The following KCNU1 variants were observed in gnomAD, a reference collection of about 807,000 sequenced individuals.
The protein encoded by KCNU1 is potassium calcium-activated channel subfamily U member 1, also known as potassium channel subfamily U member 1.
KCNU1 carries 93 observed loss-of-function variants against 126.8 expected under a neutral mutation model. The ratio of observed to expected loss-of-function variants is 0.73; its 90% confidence interval spans 0.62 to 0.87. The LOEUF is 0.87. Among genes scored for constraint, KCNU1 ranks in the 40% least tolerant of loss-of-function variants. KCNU1 has a pLI of 0.00. For missense variants in KCNU1, 1,330 were observed against 1,367.1 expected, an observed-to-expected ratio of 0.97 and a Z score of 0.43; for synonymous variants, 523 against 494.2, an observed-to-expected ratio of 1.06 and a Z score of -0.77.
At chr8:36,861,215 A>T (rs1216876398) in intron 18 of KCNU1, among the ~76,000 whole-genome samples, 1 of 152,256 alleles carries the variant, frequency 6.6e-6, no homozygotes, top group African/African-American at 2.4e-5. Context: ...GCAACTTGGT[A>T]ACAAGTCTGT....
intron 19 of KCNU1, among the ~76,000 whole-genome samples, chr8:36,897,045 G>C (rs183862136): frequency 1.7e-3 from 255 of 152,056 alleles, no homozygotes; most frequent in Middle Eastern, 3.4e-3. Flanking sequence ...GTGAACCATG[G>C]GGTGATTTTG....
chr8:36,914,187 C>T (rs1443045933), intron 22 of KCNU1, among the ~76,000 whole-genome samples: 1 of 152,122 alleles, frequency 6.6e-6, no homozygotes, highest in Non-Finnish European at 1.5e-5. Context: ...AGGCAGAAAG[C>T]ATCGTCCACA....
intron 19 of KCNU1, among the ~76,000 whole-genome samples, chr8:36,867,458 A>C (rs543208461): frequency 6.6e-6 from 1 of 152,308 alleles, no homozygotes; most frequent in African/African-American, 2.4e-5. Context: ...GGTATTGTGC[A>C]TGCATGCATG....
Position 36,922,602 on chromosome 8 carries a change from C to T in KCNU1, c.2709C>T (p.Gly903=), listed in dbSNP as rs1355049034. 1 of 1,613,366 alleles carries T rather than the reference C, an allele frequency of 6.2e-7. No individual in the cohort carries two copies. The highest frequency in any genetic ancestry group is 8.5e-7 in the Non-Finnish European group (1 of 1,179,682). Residue 903 remains glycine, a synonymous_variant, in exon 24 of 27, where the codon GGC becomes GGT. Transcript: ENST00000399881. ...TAFSTGTVFS[G]SFLDSLLATA... is the part of the protein sequence containing the mutation. ...TTTCTACGGGCACTGTTTTTTCCGG[C>T]AGCTTCTTGGATTCTCTGCTGGCCA...
chr8:36,852,107 T>G (rs1179313085), intron 18 of KCNU1, among the ~76,000 whole-genome samples: 3 of 152,218 alleles, frequency 2.0e-5, no homozygotes, highest in African/African-American at 7.2e-5. Flanking sequence ...TTTGTCATTT[T>G]TTTTGCTTTG....
At chr8:36,898,292 T>C (rs1026684511) in intron 19 of KCNU1, among the ~76,000 whole-genome samples, 1 of 151,374 alleles carries the variant, frequency 6.6e-6, no homozygotes, top group African/African-American at 2.5e-5. Flanking sequence ...GCCCCCTGTA[T>C]CCCTCTCTCA....
At chr8:36,870,461 C>T (rs898846987) in intron 19 of KCNU1, among the ~76,000 whole-genome samples, 5 of 152,082 alleles carry the variant, frequency 3.3e-5, no homozygotes, top group Admixed American at 6.6e-5. Flanking sequence ...TACACTTTAT[C>T]GAATTCTGTG....
chr8:36,889,510 A>G (rs1455473311), intron 19 of KCNU1, among the ~76,000 whole-genome samples: 1 of 152,164 alleles, frequency 6.6e-6, no homozygotes, highest in African/African-American at 2.4e-5. Flanking sequence ...TAAAAATAAA[A>G]TGCATTTAAA....
intron 18 of KCNU1, among the ~76,000 whole-genome samples, chr8:36,860,369 G>A (rs537938191): frequency 2.6e-5 from 4 of 152,210 alleles, no homozygotes; most frequent in African/African-American, 4.8e-5. Flanking sequence ...GAGACACTGC[G>A]CCTGGCCCAT....
At chr8:36,855,045 T>TAAAGTTGAC (rs1805482121) in intron 18 of KCNU1, among the ~76,000 whole-genome samples, 2 of 152,094 alleles carry the variant, frequency 1.3e-5, no homozygotes, top group Non-Finnish European at 2.9e-5. Context: ...TAGTCAGCTG[T>TAAAGTTGAC]AAAGTTGACA....
At position 36,814,221 on chromosome 8, in the gene KCNU1, T is replaced by G; in HGVS notation, c.747T>G (p.Gly249=). 1 of 1,613,280 alleles carries G rather than the reference T, an allele frequency of 6.2e-7. No individual in the cohort carries two copies. Among genetic ancestry groups the G allele is most frequent in the Non-Finnish European group, 8.5e-7 (1 of 1,179,422 alleles). ...AGFIHLVENS[G]DPWLKGRNSQ... ...TCTTTGGACAGGTGGAAAATTCTGG[T>G]GATCCCTGGCTCAAAGGTAGAAATT... Residue 249 remains glycine (G), a synonymous_variant, in exon 8 of 27, where the codon GGT becomes GGG. Coordinates refer to ENST00000399881, the MANE Select transcript of KCNU1 (RefSeq NM_001031836.3).
rs540734963 is a variant in KCNU1 at position 36,925,719 on chromosome 8, G to A, written c.2736+3090G>A. On this transcript the variant is annotated intron_variant, in intron 24 of 26. Coordinates refer to ENST00000399881, the MANE Select transcript of KCNU1 (RefSeq NM_001031836.3). ...GGTGGACTCTGGATCTTACCACCTGGTCACATGGAAATACCCTCGGAGAGG... is the reference window on the plus strand; with the variant it reads ...GGTGGACTCTGGATCTTACCACCTGATCACATGGAAATACCCTCGGAGAGG... 1.5e-3 allele frequency among the ~76,000 whole-genome samples: 224 copies of A among 152,186 alleles called. 1 individual carries two copies. The highest frequency in any genetic ancestry group is 2.6e-3 in the Non-Finnish European group (174 of 68,004).
At chr8:36,829,751 A>G (rs1437102450) in intron 10 of KCNU1, among the ~76,000 whole-genome samples, 2 of 151,344 alleles carry the variant, frequency 1.3e-5, no homozygotes, top group Admixed American at 1.3e-4. Context: ...AACTTTTACT[A>G]TGCTGGGTTT....
chr8:36,883,267 A>C (rs992657657), intron 19 of KCNU1, among the ~76,000 whole-genome samples: 2 of 152,216 alleles, frequency 1.3e-5, no homozygotes, highest in African/African-American at 4.8e-5. Flanking sequence ...CATGCTTTAA[A>C]GAAGAGACAC....
chr8:36,920,270 G>C (rs1300080024), intron 23 of KCNU1, among the ~76,000 whole-genome samples: 1 of 152,070 alleles, frequency 6.6e-6, no homozygotes, highest in Non-Finnish European at 1.5e-5. Context: ...AAATGGTGTA[G>C]TACTGTCAAC....
rs778144954 is a variant in KCNU1 at position 36,840,917 on chromosome 8, C to T, written c.1632-15C>T. On this transcript the variant is annotated splice_polypyrimidine_tract_variant and intron_variant, in intron 15 of 26. Coordinates refer to ENST00000399881, the MANE Select transcript of KCNU1 (RefSeq NM_001031836.3). ...ACCGCTTGCTCTCCTTTTGACTCCT[C>T]GTCTTCCTTCCCAGGCTCTGCTTTC... 5.0e-6 allele frequency: 8 copies of T among 1,599,628 alleles called. No individual in the cohort carries two copies. Among genetic ancestry groups the T allele is most frequent in the East Asian group, 4.5e-5 (2 of 44,782 alleles).
intron 19 of KCNU1, among the ~76,000 whole-genome samples, chr8:36,875,093 T>G (rs1372130787): frequency 1.6e-4 from 25 of 152,050 alleles, no homozygotes. Flanking sequence ...AAAAAAATCA[T>G]AAGGCCATGT....
chr8:36,887,442 G>GTTTTTTTTT (rs71278791), intron 19 of KCNU1, among the ~76,000 whole-genome samples: 1 of 124,984 alleles, frequency 8.0e-6, no homozygotes. Context: ...TTGGCCATTT[G>GTTTTTTTTT]TTTTTTTTTG....
At chr8:36,848,651 G>A (rs1441245738) in intron 18 of KCNU1, among the ~76,000 whole-genome samples, 2 of 152,134 alleles carry the variant, frequency 1.3e-5, no homozygotes, top group Non-Finnish European at 2.9e-5. Flanking sequence ...GTCAGGACAT[G>A]GGAACCTCAG....
Sources: allele counts gnomAD v4.1 joint callset (sites outside exome capture counted in the v4.1 genomes callset), GRCh38; gene constraint gnomAD v4.1.1; transcripts MANE v1.5; gene names NCBI Gene and HGNC (gene_info 2026-07-23, HGNC 2026-07-21).